The following LAMA2 variants were observed in gnomAD, a reference collection of about 807,000 sequenced individuals.
LAMA2 encodes laminin subunit alpha 2.
In LAMA2, 269 loss-of-function variants were observed where a neutral mutation model predicts 364.8. That is an observed-to-expected ratio of 0.74 (90% CI 0.67 to 0.82). The LOEUF (loss-of-function observed/expected upper bound fraction) is 0.82. Among genes scored for constraint, LAMA2 ranks in the 40% least tolerant of loss-of-function variants. LAMA2 has a pLI of 0.00. For synonymous variants in LAMA2, 1,379 were observed against 1,370.6 expected, an observed-to-expected ratio of 1.01 and a Z score of -0.14; for missense variants, 3,807 against 3,873.2, an observed-to-expected ratio of 0.98 and a Z score of 0.45.
In LAMA2 at chr6:129,370,958, C is replaced by T. The variant is rs1384926895; in HGVS notation, c.4959+968C>T. ...ACGGCCCTGATGTTACAATAGCATA[C>T]TAAACACTTTTTCAGAATCTCATAG... On this transcript the variant is annotated intron_variant, in intron 34 of 64. Coordinates refer to ENST00000421865, the MANE Select transcript of LAMA2 (RefSeq NM_000426.4). Among the ~76,000 whole-genome samples, 4 of 152,170 alleles carry T rather than the reference C, an allele frequency of 2.6e-5. No homozygotes were observed. In the East Asian group the frequency reaches 7.7e-4, roughly 29 times the overall value.
chr6:129,375,384 A>C (rs1469186093), intron 34 of LAMA2, among the ~76,000 whole-genome samples: 1 of 152,042 alleles, frequency 6.6e-6, no homozygotes, highest in African/African-American at 2.4e-5. Context: ...TCAGAGCCAA[A>C]ATTTTTTAAA....
intron 8 of LAMA2, among the ~76,000 whole-genome samples, chr6:129,164,493 T>G (rs1779624023): frequency 6.6e-6 from 1 of 152,322 alleles, no homozygotes; most frequent in South Asian, 2.1e-4. Flanking sequence ...AGACACTGGT[T>G]TCTGTTATGT....
intron 12 of LAMA2, among the ~76,000 whole-genome samples, chr6:129,204,111 G>T (rs550745225): frequency 6.6e-6 from 1 of 152,334 alleles, no homozygotes; most frequent in African/African-American, 2.4e-5. Context: ...CAATCAGAGA[G>T]AGTTAATTTT....
intron 1 of LAMA2, among the ~76,000 whole-genome samples, chr6:129,006,664 C>G (rs1179453837): frequency 1.3e-5 from 2 of 152,106 alleles, no homozygotes; most frequent in Non-Finnish European, 2.9e-5. Context: ...TTCTGCTGCC[C>G]TCTCCTCATT....
chr6:129,047,554 T>A (rs916164674), intron 1 of LAMA2, among the ~76,000 whole-genome samples: 1 of 152,144 alleles, frequency 6.6e-6, no homozygotes, highest in African/African-American at 2.4e-5. Flanking sequence ...AAGGGATTTT[T>A]AAAGACATAT....
intron 1 of LAMA2, among the ~76,000 whole-genome samples, chr6:129,022,072 T>C (rs1173158850): frequency 6.6e-6 from 1 of 152,154 alleles, no homozygotes; most frequent in Non-Finnish European, 1.5e-5. Flanking sequence ...CTAGTAAAAA[T>C]CTCTCCTGCA....
At chr6:129,279,822 T>G (rs1455533765) in intron 17 of LAMA2, among the ~76,000 whole-genome samples, 1 of 152,148 alleles carries the variant, frequency 6.6e-6, no homozygotes, top group Non-Finnish European at 1.5e-5. Context: ...CAGTCGAAAG[T>G]CAGTTAATAA....
chr6:129,159,083 G>A (rs1212777502), intron 8 of LAMA2: 4 of 1,578,308 alleles, frequency 2.5e-6, no homozygotes, highest in East Asian at 4.5e-5. Context: ...GAACAAATAG[G>A]CTCCCAATAA....
chr6:129,451,727 A>C (rs1043007064), intron 45 of LAMA2, among the ~76,000 whole-genome samples: 7 of 152,154 alleles, frequency 4.6e-5, no homozygotes, highest in Non-Finnish European at 1.0e-4. Context: ...TCTCTTTTGA[A>C]TCCAACCAAT....
chr6:128,966,297 C>T (rs898054866), intron 1 of LAMA2, among the ~76,000 whole-genome samples: 39 of 151,924 alleles, frequency 2.6e-4, no homozygotes, highest in African/African-American at 8.9e-4. Flanking sequence ...TTTTGTGTTT[C>T]ATGTTTGTAT....
chr6:129,471,867 C>T (rs12195178), intron 51 of LAMA2, among the ~76,000 whole-genome samples: 5,212 of 151,768 alleles, frequency 0.034, 117 homozygotes, highest in Non-Finnish European at 0.051. Flanking sequence ...GTATTTTAGT[C>T]CTTTTTTAAT....
chr6:129,260,728 T>A lies in LAMA2; in HGVS notation c.2114T>A (p.Leu705His). The A allele has an allele frequency of 6.2e-7, 1 of 1,611,442 alleles. No individual in the cohort carries two copies. The highest frequency in any genetic ancestry group is 8.5e-7 in the Non-Finnish European group (1 of 1,177,708). ...DAIFRLSSVN[L>H]ESAVSYPTDG... Reference sequence around the variant, plus strand: ...TGCCATAGGTTGAGCTCTGTTAACCTTGAATCCGCTGTCTCCTATCCTACT... The same window carrying A: ...TGCCATAGGTTGAGCTCTGTTAACCATGAATCCGCTGTCTCCTATCCTACT... The change falls in exon 15 of 65, where the codon CTT becomes CAT. Residue 705 changes from leucine to histidine, a missense_variant. Transcript: ENST00000421865.
chr6:129,444,647 T>A (rs1186745829), intron 44 of LAMA2, among the ~76,000 whole-genome samples: 3 of 152,114 alleles, frequency 2.0e-5, no homozygotes, highest in Non-Finnish European at 4.4e-5. Context: ...AACCTAATTT[T>A]AAAAAAATGA....
rs77424601 is a variant in LAMA2 at position 128,981,266 on chromosome 6, T to C, written c.113-68652T>C. On this transcript the variant is annotated intron_variant, in intron 1 of 64. Transcript: ENST00000421865. The stretch of plus-strand genomic sequence containing the variant: ...AGGCTATTTTGTCTCCTTGCAATGA[T>C]CTCTCTATAACCTAGTAATATCAAG... Among the ~76,000 whole-genome samples, 1,098 of 152,258 alleles carry C rather than the reference T, an allele frequency of 7.2e-3. 16 individuals are homozygous for C. The highest frequency in any genetic ancestry group is 0.026 in the African/African-American group (1,062 of 41,536).
chr6:129,087,876 C>CTT (rs370785200), intron 3 of LAMA2, among the ~76,000 whole-genome samples: 26 of 145,674 alleles, frequency 1.8e-4, no homozygotes, highest in African/African-American at 6.3e-4. Flanking sequence ...GATGATATTT[C>CTT]TTTTTTTTTT....
chr6:129,315,191 A>G (rs1399639446), intron 24 of LAMA2, among the ~76,000 whole-genome samples: 1 of 152,118 alleles, frequency 6.6e-6, no homozygotes. Flanking sequence ...TGGAGTGAAA[A>G]CATGTTCATT....
chr6:129,433,200 T>C (rs760716086), intron 41 of LAMA2, among the ~76,000 whole-genome samples: 1 of 152,114 alleles, frequency 6.6e-6, no homozygotes, highest in Non-Finnish European at 1.5e-5. Flanking sequence ...TTCCGAATCA[T>C]TGTCACCAAA....
chr6:129,457,758 T>C (rs776500284), intron 48 of LAMA2, among the ~76,000 whole-genome samples: 5 of 152,102 alleles, frequency 3.3e-5, no homozygotes, highest in Admixed American at 3.3e-4. Flanking sequence ...AACAAACATT[T>C]ATTTCTCACA....
At chr6:129,030,210 C>G (rs1357378057) in intron 1 of LAMA2, among the ~76,000 whole-genome samples, 5 of 152,040 alleles carry the variant, frequency 3.3e-5, no homozygotes, top group Admixed American at 2.6e-4. Flanking sequence ...TTGTCAACCC[C>G]TTACTTTGAT....
Sources: gnomAD v4.1 joint callset for allele counts (sites outside exome capture counted in the v4.1 genomes callset) on GRCh38, gnomAD v4.1.1 for gene constraint, MANE v1.5 for transcripts, NCBI Gene and HGNC (gene_info 2026-07-23, HGNC 2026-07-21) for gene names.